APBA2: variants seen among roughly 807,000 people sequenced by gnomAD.
The protein encoded by APBA2 is amyloid beta precursor protein binding family A member 2, also known as amyloid-beta A4 precursor protein-binding family A member 2.
In APBA2, 30 loss-of-function variants were observed where a neutral mutation model predicts 75.0. The ratio of observed to expected loss-of-function variants is 0.40; its 90% CI spans 0.30 to 0.54. The LOEUF (loss-of-function observed/expected upper bound fraction) is 0.54. Among genes scored for constraint, APBA2 ranks in the 20% least tolerant of loss-of-function variants. The pLI is 0.49. For synonymous variants in APBA2, 444 were observed against 409.6 expected, an observed-to-expected ratio of 1.08 and a Z score of -1.01; for missense variants, 801 against 1,016.1, an observed-to-expected ratio of 0.79 and a Z score of 2.88.
chr15:29,036,451 G>A (rs2040757447), intron 3 of APBA2, among the ~76,000 whole-genome samples: 1 of 152,134 alleles, frequency 6.6e-6, no homozygotes. Flanking sequence ...AGGATGGGAG[G>A]CAGTGCTGCT....
intron 4 of APBA2, among the ~76,000 whole-genome samples, chr15:29,067,298 C>T (rs1312807736): frequency 6.6e-6 from 1 of 152,136 alleles, no homozygotes; most frequent in Non-Finnish European, 1.5e-5. Flanking sequence ...ACATTTTGGG[C>T]CAAATCAAAA....
intron 2 of APBA2, among the ~76,000 whole-genome samples, chr15:28,984,784 G>A (rs2037816349): frequency 1.3e-5 from 2 of 150,164 alleles, no homozygotes; most frequent in South Asian, 4.2e-4. Flanking sequence ...CATCTCTGGA[G>A]TTTGGGGGAG....
At chr15:28,948,454 G>A (rs60653480) in intron 2 of APBA2, among the ~76,000 whole-genome samples, 44,662 of 151,856 alleles carry the variant, frequency 0.29, 10,700 homozygotes, top group African/African-American at 0.64. Context: ...TTTTTGGACT[G>A]ACATGTTAGC....
chr15:28,946,429 C>G (rs913768462), intron 2 of APBA2, among the ~76,000 whole-genome samples: 4 of 152,156 alleles, frequency 2.6e-5, no homozygotes, highest in South Asian at 2.1e-4. Context: ...GAAGCGGCTG[C>G]AAGCCAAGGA....
chr15:28,983,506 C>T lies in APBA2; in HGVS notation c.-94-12247C>T, dbSNP rs116138630. 7.8e-3 allele frequency among the ~76,000 whole-genome samples: 1,194 copies of T among 152,272 alleles called. 25 individuals are homozygous for T. Among genetic ancestry groups the T allele is most frequent in the African/African-American group, 0.027 (1,128 of 41,562 alleles). ...ATTTTCTAGAGTCTCTCCCAGCATACGGAAAAACCCCAAATTCAAATTTGA... is the reference window on the plus strand; with the variant it reads ...ATTTTCTAGAGTCTCTCCCAGCATATGGAAAAACCCCAAATTCAAATTTGA... On this transcript the variant is annotated intron_variant, in intron 2 of 14. Coordinates refer to ENST00000683413, the MANE Select transcript of APBA2 (RefSeq NM_001353788.2).
chr15:29,023,934 C>T (rs1441982051), intron 3 of APBA2, among the ~76,000 whole-genome samples: 4 of 143,272 alleles, frequency 2.8e-5, no homozygotes, highest in South Asian at 2.3e-4. Flanking sequence ...GATACAGTCT[C>T]GCTCTGTTGC....
At chr15:28,978,167 C>T (rs181448609) in intron 2 of APBA2, among the ~76,000 whole-genome samples, 1 of 152,342 alleles carries the variant, frequency 6.6e-6, no homozygotes, top group Admixed American at 6.5e-5. Context: ...AGGGCCCTGT[C>T]CCTCTTGGGC....
intron 13 of APBA2, among the ~76,000 whole-genome samples, chr15:29,112,997 C>T (rs986528203): frequency 2.6e-5 from 4 of 152,170 alleles, no homozygotes; most frequent in East Asian, 3.9e-4. Context: ...ATAGTGTCCC[C>T]GAGGTCTGTC....
intron 13 of APBA2, among the ~76,000 whole-genome samples, chr15:29,111,139 G>A (rs1214910376): frequency 1.3e-5 from 2 of 152,100 alleles, no homozygotes; most frequent in African/African-American, 4.8e-5. Context: ...ACGAAAGAGA[G>A]GGTGCCACCC....
chr15:29,110,682 C>G (rs918350171), intron 13 of APBA2, among the ~76,000 whole-genome samples: 2 of 152,200 alleles, frequency 1.3e-5, no homozygotes, highest in Non-Finnish European at 1.5e-5. Flanking sequence ...CCAGGTCACA[C>G]AGCCATGTGG....
chr15:28,940,680 C>T (rs942247361), intron 2 of APBA2, among the ~76,000 whole-genome samples: 5 of 152,194 alleles, frequency 3.3e-5, no homozygotes, highest in African/African-American at 1.2e-4. Context: ...AAACCAATCA[C>T]ACGGAGCACC....
At chr15:29,073,100 G>C (rs887811838) in intron 4 of APBA2, among the ~76,000 whole-genome samples, 1 of 152,198 alleles carries the variant, frequency 6.6e-6, no homozygotes, top group Non-Finnish European at 1.5e-5. Flanking sequence ...CATCAGTGCT[G>C]GGAGGGTGGG....
intron 6 of APBA2, among the ~76,000 whole-genome samples, chr15:29,089,832 A>T (rs2043471559): frequency 6.6e-6 from 1 of 152,178 alleles, no homozygotes; most frequent in Non-Finnish European, 1.5e-5. Flanking sequence ...GGGAGACAAG[A>T]TCTTTAAACC....
chr15:29,023,150 C>T (rs1235173852), intron 3 of APBA2, among the ~76,000 whole-genome samples: 1 of 152,094 alleles, frequency 6.6e-6, no homozygotes, highest in East Asian at 1.9e-4. Context: ...TCCTTCTTCC[C>T]CTCTTCCTTC....
At chr15:28,954,090 A>G (rs2036035843) in intron 2 of APBA2, among the ~76,000 whole-genome samples, 1 of 151,992 alleles carries the variant, frequency 6.6e-6, no homozygotes. Context: ...ATAGACTTGG[A>G]GCCAACCTTG....
intron 1 of APBA2, among the ~76,000 whole-genome samples, chr15:28,899,820 A>G (rs2032742259): frequency 6.6e-6 from 1 of 151,866 alleles, no homozygotes; most frequent in Non-Finnish European, 1.5e-5. Flanking sequence ...AAAGTGAGGA[A>G]TGTCTTTAAA....
At position 28,999,163 on chromosome 15, in the gene APBA2, A is replaced by G. The variant is rs563885210; in HGVS notation, c.-41+3357A>G. On this transcript the variant is annotated intron_variant, in intron 3 of 14. Coordinates refer to ENST00000683413, the MANE Select transcript of APBA2 (RefSeq NM_001353788.2). ...CTCCATCTCAAAAAAAAAGAAAAAA[A>G]AAAAGGCCAAAATGTAAAGACAAAA... Among the ~76,000 whole-genome samples, 7 of 152,224 alleles carry G rather than the reference A, an allele frequency of 4.6e-5. No individual in the cohort carries two copies. In the East Asian group the frequency reaches 1.4e-3, roughly 29 times the overall value.
chr15:29,078,421 A>G (rs867707957), intron 6 of APBA2, among the ~76,000 whole-genome samples: 5 of 151,946 alleles, frequency 3.3e-5, no homozygotes, highest in Admixed American at 3.3e-4. Context: ...GACCAGCTTG[A>G]CCAATATGGT....
Position 28,991,773 on chromosome 15 carries a change from T to TCAGTGTGGCCAGAGCCTCC in APBA2, c.-94-3980_-94-3979insCAGTGTGGCCAGAGCCTCC, listed in dbSNP as rs1359943710. Among the ~76,000 whole-genome samples the TCAGTGTGGCCAGAGCCTCC allele has an allele frequency of 1.7e-4, 26 of 152,190 alleles. 1 individual carries two copies. The highest frequency in any genetic ancestry group is 4.4e-5 in the Non-Finnish European group (3 of 68,034). On this transcript the variant is annotated intron_variant, in intron 2 of 14. Coordinates refer to ENST00000683413, the MANE Select transcript of APBA2 (RefSeq NM_001353788.2). The surrounding 1 kb of genome is among the most constrained non-coding windows in gnomAD (Gnocchi z 4.7). ...CCCTTCCAACCCATCCCAGGGCCTCTGCTCAGTGTGGCCAGAGCCTCCTGT... is the reference window on the plus strand; with the variant it reads ...CCCTTCCAACCCATCCCAGGGCCTCTCAGTGTGGCCAGAGCCTCCGCTCAGTGTGGCCAGAGCCTCCTGT...
Sources: gnomAD v4.1 joint callset for allele counts (sites outside exome capture counted in the v4.1 genomes callset) on GRCh38, gnomAD v4.1.1 for gene constraint, Gnocchi (gnomAD v3.1) non-coding constraint, MANE v1.5 for transcripts, NCBI Gene and HGNC (gene_info 2026-07-23, HGNC 2026-07-21) for gene names.